PLEKHB2: variants seen among roughly 807,000 people sequenced by gnomAD.
The protein encoded by PLEKHB2 is pleckstrin homology domain-containing family B member 2.
PLEKHB2 carries 31 observed loss-of-function variants against 36.5 expected under a neutral mutation model. The observed-to-expected ratio is 0.85, with a 90% CI of 0.64 to 1.15. PLEKHB2 has a LOEUF of 1.15. PLEKHB2 is among the 50% of genes most tolerant of loss of function. The probability of loss-of-function intolerance (pLI) is 0.00; values close to 1 mark genes in which losing one functional copy is unlikely to be tolerated. For synonymous variants in PLEKHB2, 119 were observed against 112.0 expected (o/e 1.06, Z -0.39); for missense variants, 262 against 295.3 (o/e 0.89, Z 0.83).
At chr2:131,134,960 GT>G (rs1559094083) in intron 6 of PLEKHB2, among the ~76,000 whole-genome samples, 1 of 151,918 alleles carries the variant, frequency 6.6e-6, no homozygotes, top group Non-Finnish European at 1.5e-5. Context: ...AAGTGTTTCA[GT>G]TTTTTTAGTG....
chr2:131,137,760 AT>A (rs1559100342), intron 6 of PLEKHB2, among the ~76,000 whole-genome samples: 1 of 151,444 alleles, frequency 6.6e-6, no homozygotes, highest in Non-Finnish European at 1.5e-5. Flanking sequence ...CTATTCTTTT[AT>A]TTCTTTCCTT....
intron 1 of PLEKHB2, among the ~76,000 whole-genome samples, chr2:131,112,265 A>AC (rs796318120): frequency 2.6e-5 from 4 of 152,330 alleles, no homozygotes; most frequent in African/African-American, 4.8e-5. Context: ...GAATAGCCGA[A>AC]CACCTGGAGG....
chr2:131,137,261 T>G (rs1698367213), intron 6 of PLEKHB2, among the ~76,000 whole-genome samples: 1 of 152,208 alleles, frequency 6.6e-6, no homozygotes, highest in South Asian at 2.1e-4. Context: ...TTTACTTTTT[T>G]TGGCCTAACC....
At chr2:131,110,892 A>G (rs1293854518) in intron 1 of PLEKHB2, among the ~76,000 whole-genome samples, 2 of 152,088 alleles carry the variant, frequency 1.3e-5, no homozygotes, top group Admixed American at 6.6e-5. Context: ...ATCATGCTGG[A>G]CAGTCATTGG....
chr2:131,147,299 T>G lies in PLEKHB2; in HGVS notation c.*526T>G, dbSNP rs1573650123. 1 of 152,390 alleles carries G rather than the reference T, an allele frequency of 6.6e-6. No homozygotes were observed. Among genetic ancestry groups the G allele is most frequent in the African/African-American group, 2.4e-5 (1 of 41,588 alleles). The allele number at this position is 152,390 out of a possible 1,614,324, so 9.4% of individuals were successfully genotyped here. On this transcript the variant is annotated 3_prime_UTR_variant, in exon 8 of 8. Transcript: ENST00000693505. Reference sequence around the variant, plus strand: ...GAGCCCCCGTCCTGCCCTCTGGGGCTCCACAGGCCCCTGGCAAGGCCGATG... The same window carrying G: ...GAGCCCCCGTCCTGCCCTCTGGGGCGCCACAGGCCCCTGGCAAGGCCGATG...
intron 5 of PLEKHB2, 113 bp from the exon 6 acceptor site, chr2:131,132,789 A>G (rs1363656989): frequency 3.0e-6 from 2 of 664,898 alleles, no homozygotes; most frequent in Admixed American, 2.3e-5. Flanking sequence ...AGAGCTATGT[A>G]TCTTTTTGTT....
intron 4 of PLEKHB2, among the ~76,000 whole-genome samples, chr2:131,128,947 C>T (rs1353320016): frequency 6.7e-6 from 1 of 149,320 alleles, no homozygotes; most frequent in African/African-American, 2.4e-5. Flanking sequence ...CAGTATGATA[C>T]CCTTTAGCAA....
chr2:131,118,504 C>T (rs993165368), intron 1 of PLEKHB2, among the ~76,000 whole-genome samples: 11 of 152,036 alleles, frequency 7.2e-5, no homozygotes, highest in African/African-American at 2.4e-4. Flanking sequence ...CTCATTTGTT[C>T]TTCTGAGGTG....
chr2:131,121,955 C>T (rs377146646), intron 2 of PLEKHB2, among the ~76,000 whole-genome samples: 8 of 151,854 alleles, frequency 5.3e-5, no homozygotes, highest in African/African-American at 1.7e-4. Flanking sequence ...TCTTGTTGCC[C>T]AGGCGCGATC....
chr2:131,120,693 C>T (rs1450798635), intron 1 of PLEKHB2: 26 of 582,990 alleles, frequency 4.5e-5, no homozygotes, highest in Non-Finnish European at 6.2e-5. Flanking sequence ...GTGTTAGACT[C>T]GGTCAGGTGG....
intron 7 of PLEKHB2, among the ~76,000 whole-genome samples, chr2:131,143,365 A>T (rs1196416810): frequency 6.6e-6 from 1 of 152,244 alleles, no homozygotes; most frequent in African/African-American, 2.4e-5. Flanking sequence ...GGATGATGGT[A>T]TAATGAACTA....
intron 4 of PLEKHB2, among the ~76,000 whole-genome samples, chr2:131,129,437 A>C (rs1279774810): frequency 6.6e-6 from 1 of 150,970 alleles, no homozygotes; most frequent in Admixed American, 6.6e-5. Flanking sequence ...AAAGGAATTG[A>C]TGAAGATAAG....
chr2:131,111,848 G>GT (rs939570215), intron 1 of PLEKHB2, among the ~76,000 whole-genome samples: 1 of 151,762 alleles, frequency 6.6e-6, no homozygotes, highest in Non-Finnish European at 1.5e-5. Context: ...GATTCTTGAG[G>GT]TTTTTTTCTT....
chr2:131,133,676 C>G (rs546926361), intron 6 of PLEKHB2, among the ~76,000 whole-genome samples: 4 of 152,220 alleles, frequency 2.6e-5, no homozygotes, highest in Non-Finnish European at 5.9e-5. Flanking sequence ...TTCACAAAAT[C>G]TTCCTGCTGT....
chr2:131,109,636 G>A (rs1346005682), intron 1 of PLEKHB2, among the ~76,000 whole-genome samples: 2 of 152,090 alleles, frequency 1.3e-5, no homozygotes, highest in Admixed American at 6.6e-5. Context: ...GGTGCAGTGA[G>A]CCAAGATCGC....
intron 1 of PLEKHB2, among the ~76,000 whole-genome samples, chr2:131,108,842 G>T (rs529655962): frequency 6.6e-6 from 1 of 152,210 alleles, no homozygotes; most frequent in Non-Finnish European, 1.5e-5. Context: ...TCGAGTTCTA[G>T]TAACTGTGAG....
At chr2:131,106,604 T>C (rs1308720550) in intron 1 of PLEKHB2, among the ~76,000 whole-genome samples, 1 of 152,118 alleles carries the variant, frequency 6.6e-6, no homozygotes, top group Non-Finnish European at 1.5e-5. Flanking sequence ...GACGGTTCAA[T>C]TGTGGTGCTC....
intron 5 of PLEKHB2, among the ~76,000 whole-genome samples, chr2:131,131,754 C>T (rs999093793): frequency 7.0e-6 from 1 of 142,938 alleles, no homozygotes. Flanking sequence ...TCATGAAAAT[C>T]CCCCTTTTTT....
chr2:131,119,190 A>T (rs1013455530), intron 1 of PLEKHB2, among the ~76,000 whole-genome samples: 13 of 151,958 alleles, frequency 8.6e-5, no homozygotes, highest in Non-Finnish European at 1.5e-5. Context: ...TGGAAGGTGG[A>T]GGTTGCAGTG....
Sources: gnomAD v4.1 joint callset for allele counts (sites outside exome capture counted in the v4.1 genomes callset) on GRCh38, gnomAD v4.1.1 for gene constraint, MANE v1.5 for transcripts, NCBI Gene and HGNC (gene_info 2026-07-23, HGNC 2026-07-21) for gene names.